Variants in INPP4B observed in about 807,000 individuals in gnomAD.
INPP4B encodes the protein inositol polyphosphate 4-phosphatase type II.
INPP4B carries 55 observed loss-of-function variants against 122.5 expected under a neutral mutation model. The ratio of observed to expected loss-of-function variants is 0.45; its 90% CI spans 0.36 to 0.56. The LOEUF (loss-of-function observed/expected upper bound fraction) is 0.56. Ranked by LOEUF, INPP4B falls within the 20% of genes least tolerant of loss-of-function variation. The pLI, the probability that INPP4B is intolerant of heterozygous loss-of-function variation, is 0.00. For missense variants in INPP4B, 1,000 were observed against 1,097.7 expected, an observed-to-expected ratio of 0.91 and a Z score of 1.26; for synonymous variants, 403 against 388.7, an observed-to-expected ratio of 1.04 and a Z score of -0.43.
At chr4:142,135,226 C>T (rs1006300702) in intron 18 of INPP4B, among the ~76,000 whole-genome samples, 1 of 152,080 alleles carries the variant, frequency 6.6e-6, no homozygotes, top group African/African-American at 2.4e-5. Context: ...TCTGGAGATT[C>T]AAGAACAAAT....
At chr4:142,463,397 T>C (rs1424047897) in intron 2 of INPP4B, among the ~76,000 whole-genome samples, 3 of 152,202 alleles carry the variant, frequency 2.0e-5, no homozygotes, top group African/African-American at 7.2e-5. Flanking sequence ...CCACACTTCA[T>C]GGGTTATACA....
intron 16 of INPP4B, among the ~76,000 whole-genome samples, chr4:142,166,287 T>A (rs1822664486): frequency 6.6e-6 from 1 of 151,710 alleles, no homozygotes; most frequent in Non-Finnish European, 1.5e-5. Flanking sequence ...GATATCCAAT[T>A]GTTTCTGCAA....
intron 7 of INPP4B, among the ~76,000 whole-genome samples, chr4:142,331,105 G>A (rs1185384927): frequency 6.6e-6 from 1 of 152,192 alleles, no homozygotes; most frequent in Admixed American, 6.5e-5. Flanking sequence ...AAATTCAAGG[G>A]ATTTAATCTA....
chr4:142,143,313 C>G (rs888831845), intron 18 of INPP4B, among the ~76,000 whole-genome samples: 1 of 147,882 alleles, frequency 6.8e-6, no homozygotes, highest in Non-Finnish European at 1.5e-5. Flanking sequence ...ATCCACACTA[C>G]CTCTCCTCTC....
At chr4:142,811,305 T>G (rs1779489835) in intron 1 of INPP4B, among the ~76,000 whole-genome samples, 2 of 152,250 alleles carry the variant, frequency 1.3e-5, no homozygotes, top group Non-Finnish European at 1.5e-5. Flanking sequence ...GCAGCATTAG[T>G]GCAGATGTTG....
At chr4:142,197,539 G>T (rs560585029) in intron 14 of INPP4B, among the ~76,000 whole-genome samples, 1 of 152,194 alleles carries the variant, frequency 6.6e-6, no homozygotes, top group African/African-American at 2.4e-5. Flanking sequence ...TCATAAAATT[G>T]TTACAATTGC....
intron 12 of INPP4B, among the ~76,000 whole-genome samples, chr4:142,218,897 T>C (rs1004950415): frequency 6.6e-6 from 1 of 152,156 alleles, no homozygotes; most frequent in Admixed American, 6.5e-5. Context: ...TGGCTTCAAT[T>C]TCATAAAGTG....
rs374002404 is a variant in INPP4B, at chr4:142,193,116, T to C, written c.1152A>G (p.Leu384=). Residue 384 remains leucine, a synonymous_variant, in exon 15 of 26, where the codon CTA becomes CTG. Coordinates refer to ENST00000262992, the MANE Select transcript of INPP4B (RefSeq NM_001101669.3). ...TTCTTTCTGTTTCAAATCTATGGAGTAGCTTCCGAAGACCACCATTCTTAA... is the reference window on the plus strand; with the variant it reads ...TTCTTTCTGTTTCAAATCTATGGAGCAGCTTCCGAAGACCACCATTCTTAA... The part of the protein sequence containing the change: ...QGFKNGGLRK[L]LHRFETERRN... 9.3e-6 allele frequency: 15 copies of C among 1,611,222 alleles called. 1 individual carries two copies. The highest frequency in any genetic ancestry group is 1.3e-5 in the Non-Finnish European group (15 of 1,177,556).
chr4:142,384,049 T>A, intron 7 of INPP4B: 2 of 701,412 alleles, frequency 2.9e-6, no homozygotes, highest in Middle Eastern at 4.6e-4. Context: ...GAGCAAGTTG[T>A]CTCAAGTTGT....
intron 2 of INPP4B, among the ~76,000 whole-genome samples, chr4:142,553,396 C>T (rs776347300): frequency 6.6e-6 from 1 of 152,190 alleles, no homozygotes; most frequent in Non-Finnish European, 1.5e-5. Context: ...GATGCTGGCT[C>T]CATCTTCACC....
chr4:142,082,695 T>C (rs147612520), intron 24 of INPP4B, among the ~76,000 whole-genome samples: 1 of 152,338 alleles, frequency 6.6e-6, no homozygotes, highest in Non-Finnish European at 1.5e-5. Flanking sequence ...AACATCCTCA[T>C]GGTGCCTCAC....
intron 1 of INPP4B, among the ~76,000 whole-genome samples, chr4:142,805,757 T>C (rs1358992471): frequency 6.6e-6 from 1 of 152,236 alleles, no homozygotes; most frequent in Non-Finnish European, 1.5e-5. Context: ...ATAATACATA[T>C]AACATACAAT....
At chr4:142,601,803 ACCG>A (rs1740004372) in intron 2 of INPP4B, among the ~76,000 whole-genome samples, 1 of 151,690 alleles carries the variant, frequency 6.6e-6, no homozygotes, top group Non-Finnish European at 1.5e-5. Context: ...CCCCATCTCT[ACCG>A]AAAATATAAA....
chr4:142,248,121 C>T (rs1397000737), intron 11 of INPP4B, among the ~76,000 whole-genome samples: 3 of 152,044 alleles, frequency 2.0e-5, no homozygotes, highest in African/African-American at 7.2e-5. Flanking sequence ...CAGAATGATG[C>T]TTCACTGGTT....
chr4:142,218,819 T>A (rs1039253087), intron 12 of INPP4B, among the ~76,000 whole-genome samples: 18 of 152,274 alleles, frequency 1.2e-4, no homozygotes, highest in Middle Eastern at 3.4e-3. Context: ...ATAAAAAATT[T>A]ATTCACTAGG....
At chr4:142,226,954 ATAAGT>A (rs1388931146) in intron 12 of INPP4B, among the ~76,000 whole-genome samples, 4 of 152,188 alleles carry the variant, frequency 2.6e-5, no homozygotes, top group African/African-American at 9.6e-5. Context: ...AAGGAAAGAG[ATAAGT>A]TAAGCTTTAG....
chr4:142,129,628 A>G (rs1800303179), intron 18 of INPP4B, among the ~76,000 whole-genome samples: 1 of 152,148 alleles, frequency 6.6e-6, no homozygotes. Context: ...CAGACAATAG[A>G]AGAGTAATCA....
At chr4:142,806,204 G>A (rs1400701382) in intron 1 of INPP4B, among the ~76,000 whole-genome samples, 5 of 147,432 alleles carry the variant, frequency 3.4e-5, no homozygotes, top group African/African-American at 1.0e-4. Flanking sequence ...GCGTGAACCC[G>A]GGAGGCGGAG....
chr4:142,838,021 T>C (rs1190054816), intron 1 of INPP4B, among the ~76,000 whole-genome samples: 1 of 149,422 alleles, frequency 6.7e-6, no homozygotes, highest in African/African-American at 2.5e-5. Flanking sequence ...CTTACAGCCA[T>C]GGGAAAGTGG....
Sources: allele counts gnomAD v4.1 joint callset (sites outside exome capture counted in the v4.1 genomes callset), GRCh38; gene constraint gnomAD v4.1.1; transcripts MANE v1.5; gene names NCBI Gene and HGNC (gene_info 2026-07-23, HGNC 2026-07-21).